The following GRB10 variants were observed in gnomAD, a reference collection of about 807,000 sequenced individuals.
The protein encoded by GRB10 is growth factor receptor-bound protein 10.
In GRB10, 20 loss-of-function variants were observed where a neutral mutation model predicts 80.9. That is an observed-to-expected ratio of 0.25 (90% CI 0.17 to 0.36). The LOEUF (loss-of-function observed/expected upper bound fraction) is 0.36. GRB10 is among the 10% of genes least tolerant of loss of function. The pLI, the probability that GRB10 is intolerant of heterozygous loss-of-function variation, is 1.00. For synonymous variants in GRB10, 291 were observed against 291.5 expected, an observed-to-expected ratio of 1.00 and a Z score of 0.02; for missense variants, 548 against 747.7, an observed-to-expected ratio of 0.73 and a Z score of 3.12.
At chr7:50,629,928 G>A (rs1172637661) in intron 7 of GRB10, among the ~76,000 whole-genome samples, 3 of 152,328 alleles carry the variant, frequency 2.0e-5, no homozygotes, top group Middle Eastern at 3.4e-3. Flanking sequence ...CCCTTGTCCC[G>A]CAGCAACTCA....
chr7:50,695,506 T>C (rs1363289122), intron 5 of GRB10, among the ~76,000 whole-genome samples: 2 of 152,236 alleles, frequency 1.3e-5, no homozygotes, highest in Non-Finnish European at 2.9e-5. Flanking sequence ...CAACCTTTAC[T>C]GACTTCAGTC....
chr7:50,613,440 A>G (rs1184847852), intron 12 of GRB10, among the ~76,000 whole-genome samples: 1 of 152,138 alleles, frequency 6.6e-6, no homozygotes, highest in Non-Finnish European at 1.5e-5. Flanking sequence ...TGGGGAGAAG[A>G]CAGGTGCCCC....
chr7:50,617,340 C>T (rs1479837812), intron 10 of GRB10, among the ~76,000 whole-genome samples: 8 of 152,226 alleles, frequency 5.3e-5, no homozygotes, highest in Admixed American at 2.0e-4. Flanking sequence ...AGTAGTTTCT[C>T]TTACATGTAA....
At chr7:50,652,071 G>C (rs2529420) in intron 7 of GRB10, among the ~76,000 whole-genome samples, 8,078 of 152,284 alleles carry the variant, frequency 0.053, 726 homozygotes, top group African/African-American at 0.18. Flanking sequence ...ATTGTAGGTA[G>C]AATTTTGGAT....
chr7:50,599,152 G>A (rs539996837), intron 17 of GRB10, among the ~76,000 whole-genome samples: 26 of 152,264 alleles, frequency 1.7e-4, no homozygotes, highest in Admixed American at 1.3e-3. Flanking sequence ...GAGTATGTGC[G>A]CGCACACGCT....
intron 3 of GRB10, among the ~76,000 whole-genome samples, chr7:50,752,431 C>A (rs61145315): frequency 6.6e-6 from 1 of 152,156 alleles, no homozygotes; most frequent in African/African-American, 2.4e-5. Context: ...GTTTCCTGCC[C>A]TTGGAAAGAG....
At chr7:50,610,942 A>G (rs80020793) in intron 13 of GRB10, among the ~76,000 whole-genome samples, 4,015 of 152,270 alleles carry the variant, frequency 0.026, 151 homozygotes, top group African/African-American at 0.091. Flanking sequence ...ACCCAAAGTA[A>G]TAGAATTCAT....
intron 5 of GRB10, among the ~76,000 whole-genome samples, chr7:50,678,139 A>G (rs937140517): frequency 6.6e-6 from 1 of 152,272 alleles, no homozygotes; most frequent in African/African-American, 2.4e-5. Flanking sequence ...CTGTCAGTCA[A>G]CCAGATCATT....
intron 2 of GRB10, among the ~76,000 whole-genome samples, chr7:50,768,226 G>C (rs1213034418): frequency 1.6e-4 from 25 of 152,176 alleles, no homozygotes; most frequent in Admixed American, 1.6e-3. Context: ...TGGTGCCTTA[G>C]CTAAAGAAAG....
rs2529412 is a variant in GRB10 at position 50,670,568 on chromosome 7, C to G, written c.363-705G>C. ...TGCCGAAGTTTTGTTGTCCTGGGTGCGTGCTCATCTCAGGCAGCATTCAGT... is the reference window on the plus strand; with the variant it reads ...TGCCGAAGTTTTGTTGTCCTGGGTGGGTGCTCATCTCAGGCAGCATTCAGT... On this transcript the variant is annotated intron_variant, in intron 6 of 18. Transcript: ENST00000401949. 7.9e-5 allele frequency among the ~76,000 whole-genome samples: 12 copies of G among 151,230 alleles called. 1 individual carries two copies. The highest frequency in any genetic ancestry group is 4.2e-4 in the South Asian group (2 of 4,756).
chr7:50,610,657 T>G (rs996579275), intron 13 of GRB10, among the ~76,000 whole-genome samples: 3 of 152,116 alleles, frequency 2.0e-5, no homozygotes, highest in Non-Finnish European at 4.4e-5. Context: ...TGGGCCTCAG[T>G]TTTGTCATCC....
chr7:50,737,033 T>C (rs1444310966), intron 3 of GRB10, among the ~76,000 whole-genome samples: 1 of 152,220 alleles, frequency 6.6e-6, no homozygotes, highest in African/African-American at 2.4e-5. Flanking sequence ...AAAAATAAAC[T>C]GGGTTTCACC....
intron 8 of GRB10, among the ~76,000 whole-genome samples, chr7:50,620,367 A>C (rs2051474097): frequency 6.6e-6 from 1 of 152,164 alleles, no homozygotes; most frequent in African/African-American, 2.4e-5. Context: ...TCTTGGAAGG[A>C]AGGAATGAAG....
chr7:50,758,323 C>T (rs1449040408), intron 2 of GRB10, among the ~76,000 whole-genome samples: 1 of 152,146 alleles, frequency 6.6e-6, no homozygotes, highest in African/African-American at 2.4e-5. Context: ...CAGCTATTTC[C>T]CTATCAGTCA....
rs202059826 is a variant in GRB10, at chr7:50,710,865, G to A, written c.52-6957C>T. The A allele has an allele frequency of 6.9e-3, 11,060 of 1,612,372 alleles. 53 individuals carry two copies. Among genetic ancestry groups the A allele is most frequent in the Non-Finnish European group, 8.5e-3 (9,993 of 1,179,562 alleles). ...AGGTACTGAGTGTTCGGTAGACAGC[G>A]GGCACTGACCTTACTACGGAACAGA... On this transcript the variant is annotated intron_variant, in intron 4 of 18. Coordinates refer to ENST00000401949, the MANE Select transcript of GRB10 (RefSeq NM_001350814.2).
At chr7:50,680,693 G>A (rs2061445850) in intron 5 of GRB10, among the ~76,000 whole-genome samples, 1 of 152,178 alleles carries the variant, frequency 6.6e-6, no homozygotes, top group African/African-American at 2.4e-5. Flanking sequence ...GCATAACATA[G>A]TTAGACAAAG....
At chr7:50,708,526 T>C (rs370869498) in intron 4 of GRB10, among the ~76,000 whole-genome samples, 1 of 152,158 alleles carries the variant, frequency 6.6e-6, no homozygotes, top group Admixed American at 6.5e-5. Context: ...TGCAGGGTAA[T>C]GAACACAGGG....
chr7:50,629,759 G>A (rs2053663444), intron 7 of GRB10, among the ~76,000 whole-genome samples: 3 of 152,220 alleles, frequency 2.0e-5, no homozygotes, highest in Non-Finnish European at 4.4e-5. Flanking sequence ...AGTTCTAGGA[G>A]GAGCATTCTG....
At chr7:50,659,601 A>G (rs1371956352) in intron 7 of GRB10, among the ~76,000 whole-genome samples, 2 of 64,218 alleles carry the variant, frequency 3.1e-5, no homozygotes, top group African/African-American at 1.2e-4. Flanking sequence ...GCAGCTGTGC[A>G]ATAGTGTGTG....
Sources: gnomAD v4.1 joint callset for allele counts (sites outside exome capture counted in the v4.1 genomes callset) on GRCh38, gnomAD v4.1.1 for gene constraint, MANE v1.5 for transcripts, NCBI Gene and HGNC (gene_info 2026-07-23, HGNC 2026-07-21) for gene names.